OR56B2: variants seen among roughly 807,000 people sequenced by gnomAD.
OR56B2 encodes the protein olfactory receptor 56B2.
At chr11:5,761,886 CT>C in the OR56B2 span, among the ~76,000 whole-genome samples, 1 of 152,008 alleles carries the variant, frequency 6.6e-6, no homozygotes, top group Admixed American at 6.6e-5. Flanking sequence ...GAGGCTAAGA[CT>C]TTTGTTGAAG....
chr11:5,761,956 G>C, the OR56B2 span, among the ~76,000 whole-genome samples: 1 of 152,066 alleles, frequency 6.6e-6, no homozygotes, highest in African/African-American at 2.4e-5. Flanking sequence ...TTGCTGAACT[G>C]TGAGAATAAT....
chr11:5,763,570 CA>C, the OR56B2 span, among the ~76,000 whole-genome samples: 282 of 140,500 alleles, frequency 2.0e-3, 42 homozygotes, highest in Admixed American at 1.7e-3. Context: ...CCTGGCCTCC[CA>C]AAGTGCTGGG....
At chr11:5,762,352 AT>A in the OR56B2 span, among the ~76,000 whole-genome samples, 3 of 152,054 alleles carry the variant, frequency 2.0e-5, no homozygotes, top group South Asian at 6.2e-4. Flanking sequence ...TTATCGTTTA[AT>A]GCCCTTGCTA....
At chr11:5,762,400 T>C in the OR56B2 span, among the ~76,000 whole-genome samples, 2 of 152,144 alleles carry the variant, frequency 1.3e-5, no homozygotes, top group Non-Finnish European at 2.9e-5. Flanking sequence ...TTGTTTTTTA[T>C]GGCTTTCGAT....
At chr11:5,763,272 T>C in the OR56B2 span, among the ~76,000 whole-genome samples, 2 of 151,928 alleles carry the variant, frequency 1.3e-5, no homozygotes, top group Non-Finnish European at 2.9e-5. Context: ...TTCAACATGA[T>C]TCTCCTTTCA....
chr11:5,768,531 T>A, the OR56B2 span, among the ~76,000 whole-genome samples: 1 of 139,870 alleles, frequency 7.1e-6, no homozygotes, highest in Non-Finnish European at 1.6e-5. Context: ...GCCAATATTT[T>A]TAAGTGTAAT....
At chr11:5,764,049 G>A in the OR56B2 span, among the ~76,000 whole-genome samples, 1 of 139,914 alleles carries the variant, frequency 7.1e-6, no homozygotes, top group Non-Finnish European at 1.6e-5. Flanking sequence ...TAATTTTAGC[G>A]CACAAATTTT....
At chr11:5,762,927 A>C in the OR56B2 span, among the ~76,000 whole-genome samples, 1 of 152,006 alleles carries the variant, frequency 6.6e-6, no homozygotes, top group African/African-American at 2.4e-5. Flanking sequence ...TTATCCTGTT[A>C]ATGTTTATTA....
At chr11:5,764,394 G>A in the OR56B2 span, among the ~76,000 whole-genome samples, 10 of 140,446 alleles carry the variant, frequency 7.1e-5, 1 homozygote, top group African/African-American at 1.8e-4. Context: ...AAAAATATAC[G>A]CAAGTAGAAA....
chr11:5,764,585 T>C, the OR56B2 span, among the ~76,000 whole-genome samples: 2 of 140,648 alleles, frequency 1.4e-5, 1 homozygote, highest in East Asian at 4.1e-4. Flanking sequence ...GTAAATAATA[T>C]ACATCAATAC....
the OR56B2 span, among the ~76,000 whole-genome samples, chr11:5,761,854 T>C: frequency 2.0e-5 from 3 of 152,268 alleles, no homozygotes; most frequent in East Asian, 5.8e-4. Context: ...TTATATTTCA[T>C]AGAATAGAAT....
At chr11:5,762,570 T>C in the OR56B2 span, among the ~76,000 whole-genome samples, 3 of 152,202 alleles carry the variant, frequency 2.0e-5, no homozygotes, top group African/African-American at 4.8e-5. Context: ...GGTACAAATA[T>C]ACAGTTATAT....
chr11:5,761,345 T>C, the OR56B2 span: 1 of 152,204 alleles, frequency 6.6e-6, no homozygotes, highest in Non-Finnish European at 1.5e-5. Context: ...ATCTACATAA[T>C]GCTTCTTTAA....
the OR56B2 span, chr11:5,766,838 C>T: frequency 7.2e-6 from 1 of 139,828 alleles, no homozygotes; most frequent in Non-Finnish European, 1.6e-5. Flanking sequence ...TAAGAAACTT[C>T]AGTGCCATTA....
the OR56B2 span, among the ~76,000 whole-genome samples, chr11:5,761,695 A>G: frequency 5.3e-5 from 8 of 152,160 alleles, 1 homozygote; most frequent in Non-Finnish European, 1.2e-4. Flanking sequence ...TTGCTGACAC[A>G]TAATACCTGG....
the OR56B2 span, among the ~76,000 whole-genome samples, chr11:5,764,850 C>T: frequency 0.66 from 90,485 of 137,252 alleles, 35,569 homozygotes; most frequent in Middle Eastern, 0.75. Context: ...TTTATAATGT[C>T]GTATACCTTA....
the OR56B2 span, chr11:5,767,056 T>A: frequency 7.1e-6 from 1 of 139,890 alleles, no homozygotes; most frequent in Non-Finnish European, 1.6e-5. Flanking sequence ...TTTATTTAGC[T>A]CATAGTTCTG....
the OR56B2 span, among the ~76,000 whole-genome samples, chr11:5,764,113 G>A: frequency 7.1e-6 from 1 of 140,152 alleles, no homozygotes; most frequent in African/African-American, 2.6e-5. Context: ...ATACTTAAAA[G>A]GAAAGAAGAA....
the OR56B2 span, among the ~76,000 whole-genome samples, chr11:5,761,788 T>G: frequency 6.6e-6 from 1 of 152,176 alleles, no homozygotes; most frequent in Admixed American, 6.5e-5. Flanking sequence ...TGCAAGAATT[T>G]TAATTAGGCA....
Sources: gnomAD v4.1 joint callset for allele counts (sites outside exome capture counted in the v4.1 genomes callset) on GRCh38, gnomAD v4.1.1 for gene constraint, MANE v1.5 for transcripts, NCBI Gene and HGNC (gene_info 2026-07-23, HGNC 2026-07-21) for gene names.